The following SEC63 variants were observed in gnomAD, a reference collection of about 807,000 sequenced individuals.
The protein encoded by SEC63 is translocation protein SEC63 homolog.
In SEC63, 56 loss-of-function variants were observed where a neutral mutation model predicts 116.2. The ratio of observed to expected loss-of-function variants is 0.48; its 90% CI spans 0.39 to 0.60. The LOEUF is 0.60. Ranked by LOEUF, SEC63 falls within the 20% of genes least tolerant of loss-of-function variation. SEC63 has a pLI of 0.00. For missense variants in SEC63, 668 were observed against 900.0 expected (o/e 0.74, Z 3.30); for synonymous variants, 273 against 294.6 (o/e 0.93, Z 0.75).
In SEC63 at chr6:107,883,166, AC is replaced by A. The variant is rs776981093; in HGVS notation, c.1675-21del. The A allele has an allele frequency of 1.1e-4, 179 of 1,610,178 alleles. No homozygotes were observed. Among genetic ancestry groups the A allele is most frequent in the Non-Finnish European group, 1.5e-4 (174 of 1,179,538 alleles). On this transcript the variant is annotated intron_variant, in intron 16 of 20. Coordinates refer to ENST00000369002, the MANE Select transcript of SEC63 (RefSeq NM_007214.5). ...AGCTTCCTAAAAGGGAAAGGCAAACACAAAGATTCTGCATATCTCAATGAGA... is the reference window on the plus strand; with the variant it reads ...AGCTTCCTAAAAGGGAAAGGCAAACAAAAGATTCTGCATATCTCAATGAGA...
At position 107,957,864 on chromosome 6, in the gene SEC63, G is replaced by A. The variant is rs200955319; in HGVS notation, c.124+22C>T. 11,649 of 1,603,464 alleles carry A rather than the reference G, an allele frequency of 7.3e-3. 52 individuals are homozygous for A. Among genetic ancestry groups the A allele is most frequent in the Non-Finnish European group, 8.9e-3 (10,494 of 1,175,228 alleles). On this transcript the variant is annotated intron_variant, in intron 1 of 20. Transcript: ENST00000369002. ...CTGGCGGGGCCTGCGCGGGTTCGCGGGCAAAGGCCGGCGGGACTCACCGGC... is the reference window on the plus strand; with the variant it reads ...CTGGCGGGGCCTGCGCGGGTTCGCGAGCAAAGGCCGGCGGGACTCACCGGC...
At position 107,886,086 on chromosome 6, in the gene SEC63, C is replaced by A. The variant is rs181230106; in HGVS notation, c.1675-2940G>T. ...ATGTGTTCTCATTGTTCAACTCCCA[C>A]TTATGAGTGAGAACATGGCGGTGTT... On this transcript the variant is annotated intron_variant, in intron 16 of 20. Coordinates refer to ENST00000369002, the MANE Select transcript of SEC63 (RefSeq NM_007214.5). 1.8e-3 allele frequency among the ~76,000 whole-genome samples: 277 copies of A among 152,242 alleles called. 1 individual carries two copies. Among genetic ancestry groups the A allele is most frequent in the African/African-American group, 6.0e-3 (250 of 41,526 alleles).
chr6:107,883,322 G>A, intron 16 of SEC63, 176 bp from the exon 17 acceptor site: 4 of 667,130 alleles, frequency 6.0e-6, no homozygotes, highest in Non-Finnish European at 1.0e-5. Context: ...GTGGGAGTCA[G>A]ACTAAAGAGT....
intron 3 of SEC63, among the ~76,000 whole-genome samples, chr6:107,923,504 G>C (rs952083282): frequency 1.3e-5 from 2 of 151,896 alleles, no homozygotes; most frequent in Admixed American, 6.6e-5. Flanking sequence ...AAATTTCCAT[G>C]ACAATGACAT....
intron 4 of SEC63, among the ~76,000 whole-genome samples, chr6:107,915,186 A>T (rs556398683): frequency 6.6e-6 from 1 of 152,208 alleles, no homozygotes; most frequent in African/African-American, 2.4e-5. Flanking sequence ...ATTTTTGAAA[A>T]TTCAGTGAGT....
chr6:107,898,155 T>G (rs559981249), intron 13 of SEC63, among the ~76,000 whole-genome samples: 3 of 151,358 alleles, frequency 2.0e-5, no homozygotes, highest in Admixed American at 2.0e-4. Context: ...TCTCAGCTAG[T>G]CGGGAGGCTG....
intron 8 of SEC63, among the ~76,000 whole-genome samples, chr6:107,908,335 T>C (rs1787190321): frequency 8.3e-5 from 3 of 36,270 alleles, no homozygotes; most frequent in Non-Finnish European, 1.7e-4. Flanking sequence ...GTGAAAATAG[T>C]ATTTTTTTTC....
chr6:107,940,385 T>A (rs781487625), intron 1 of SEC63, among the ~76,000 whole-genome samples: 1 of 152,234 alleles, frequency 6.6e-6, no homozygotes, highest in Non-Finnish European at 1.5e-5. Context: ...TTTCCTTTTA[T>A]GGTACTGAAA....
intron 1 of SEC63, among the ~76,000 whole-genome samples, chr6:107,937,915 A>G (rs1770292539): frequency 6.6e-6 from 1 of 152,168 alleles, no homozygotes; most frequent in African/African-American, 2.4e-5. Context: ...TAAGTTCCCT[A>G]TACATTCTGG....
intron 1 of SEC63, among the ~76,000 whole-genome samples, chr6:107,937,272 G>A (rs1172828766): frequency 6.6e-6 from 1 of 152,018 alleles, no homozygotes; most frequent in Non-Finnish European, 1.5e-5. Context: ...ACGGGCATGC[G>A]CCACCACACC....
chr6:107,911,647 G>T (rs1252014825), intron 6 of SEC63, among the ~76,000 whole-genome samples: 1 of 152,142 alleles, frequency 6.6e-6, no homozygotes, highest in Non-Finnish European at 1.5e-5. Flanking sequence ...TGCACAGCCA[G>T]GATTTGAACC....
rs1554239887 is a variant in SEC63 at position 107,940,792 on chromosome 6, T to TTA, written c.125-11279_125-11278insTA. Among the ~76,000 whole-genome samples the TTA allele has an allele frequency of 1.4e-3, 206 of 142,364 alleles. 1 individual carries two copies. Among genetic ancestry groups the TTA allele is most frequent in the African/African-American group, 5.2e-3 (200 of 38,404 alleles). The allele number at this position is 142,364 out of a possible 152,430, so 93.4% of individuals were successfully genotyped here. Reference sequence around the variant, plus strand: ...TTTCCCATTCCCTTAAAAGTATTCTTAAAAAAAAAAAAAAAGACTCGCTGC... The same window carrying TTA: ...TTTCCCATTCCCTTAAAAGTATTCTTTAAAAAAAAAAAAAAAAGACTCGCTGC... On this transcript the variant is annotated intron_variant, in intron 1 of 20. Transcript: ENST00000369002.
rs1787042740 is a variant in SEC63 at position 107,902,976 on chromosome 6, A to G, written c.1077T>C (p.Thr359=). The G allele has an allele frequency of 6.2e-7, 1 of 1,614,134 alleles. No homozygotes were observed. Among genetic ancestry groups the G allele is most frequent in the Non-Finnish European group, 8.5e-7 (1 of 1,180,016 alleles). Residue 359 remains threonine, a synonymous_variant, in exon 12 of 21, where the codon ACT becomes ACC. Coordinates refer to ENST00000369002, the MANE Select transcript of SEC63 (RefSeq NM_007214.5). ...NREEREFRAP[T]LASLENCMKL... is the part of the protein sequence containing the mutation. ...TCATGCAGTTTTCTAGGGATGCCAAAGTTGGAGCACGAAACTCCCTTTCTT... is the reference window on the plus strand; with the variant it reads ...TCATGCAGTTTTCTAGGGATGCCAAGGTTGGAGCACGAAACTCCCTTTCTT...
intron 1 of SEC63, among the ~76,000 whole-genome samples, chr6:107,950,586 GTA>G (rs1562342707): frequency 1.3e-5 from 2 of 152,148 alleles, no homozygotes; most frequent in Non-Finnish European, 2.9e-5. Flanking sequence ...TAACAGATGA[GTA>G]TGACCAATAA....
chr6:107,898,409 T>A (rs983186143), intron 13 of SEC63, among the ~76,000 whole-genome samples: 4 of 152,186 alleles, frequency 2.6e-5, no homozygotes, highest in Non-Finnish European at 5.9e-5. Flanking sequence ...CACAGTGACA[T>A]AAAAATAGGG....
At position 107,908,979 on chromosome 6, in the gene SEC63, T is replaced by C. The variant is rs138393465; in HGVS notation, c.681A>G (p.Thr227=). Reference sequence around the variant, plus strand: ...AAACAAAGTATGTATAAATCTGTGTTGTGCGTATTAGAATCTGGTCTCCAC... The same window carrying C: ...AAACAAAGTATGTATAAATCTGTGTCGTGCGTATTAGAATCTGGTCTCCAC... ...RYSGDQILIR[T]TQIYTYFVYK... is the part of the protein sequence containing the mutation. The change falls in exon 8 of 21, where the codon ACA becomes ACG. Residue 227 remains threonine (T), a synonymous_variant. Coordinates refer to ENST00000369002, the MANE Select transcript of SEC63 (RefSeq NM_007214.5). 4.2e-5 allele frequency: 68 copies of C among 1,613,538 alleles called. No individual in the cohort carries two copies. The African/African-American group carries it at 8.4e-4, about 20-fold the overall frequency.
chr6:107,951,079 C>T (rs1770569906), intron 1 of SEC63, among the ~76,000 whole-genome samples: 1 of 152,102 alleles, frequency 6.6e-6, no homozygotes, highest in African/African-American at 2.4e-5. Context: ...TCCACATAAA[C>T]ATTAAGAACA....
At chr6:107,951,144 C>G (rs1424820167) in intron 1 of SEC63, among the ~76,000 whole-genome samples, 1 of 152,114 alleles carries the variant, frequency 6.6e-6, no homozygotes. Flanking sequence ...CAAGAAAGCA[C>G]AAAGTGGGCA....
At chr6:107,953,707 C>T (rs1327658225) in intron 1 of SEC63, among the ~76,000 whole-genome samples, 1 of 123,568 alleles carries the variant, frequency 8.1e-6, no homozygotes, top group African/African-American at 2.9e-5. Context: ...GGGGGGTCAG[C>T]CCCCTGCCCG....
Sources: gnomAD v4.1 joint callset for allele counts (sites outside exome capture counted in the v4.1 genomes callset) on GRCh38, gnomAD v4.1.1 for gene constraint, MANE v1.5 for transcripts, NCBI Gene and HGNC (gene_info 2026-07-23, HGNC 2026-07-21) for gene names.